The following RNGTT variants were observed in gnomAD, a reference collection of about 807,000 sequenced individuals.
RNGTT encodes mRNA-capping enzyme.
Under a neutral mutation model 79.3 loss-of-function variants are expected in RNGTT, and 33 were observed. The observed-to-expected ratio is 0.42, with a 90% CI of 0.32 to 0.56. The LOEUF is 0.56. Among genes scored for constraint, RNGTT ranks in the 20% least tolerant of loss-of-function variants. RNGTT has a pLI of 0.17. For synonymous variants in RNGTT, 222 were observed against 235.9 expected, an observed-to-expected ratio of 0.94 and a Z score of 0.54; for missense variants, 497 against 739.1, an observed-to-expected ratio of 0.67 and a Z score of 3.80.
chr6:88,711,032 A>C (rs558153300), intron 13 of RNGTT, among the ~76,000 whole-genome samples: 2 of 152,160 alleles, frequency 1.3e-5, no homozygotes, highest in Non-Finnish European at 2.9e-5. Flanking sequence ...TGAACAGAAA[A>C]TCTAGTCTTG....
chr6:88,657,441 C>G lies in RNGTT; in HGVS notation c.1506+20912G>C, dbSNP rs183017772. Among the ~76,000 whole-genome samples, 290 of 152,222 alleles carry G rather than the reference C, an allele frequency of 1.9e-3. 4 individuals carry two copies. Among genetic ancestry groups the G allele is most frequent in the African/African-American group, 6.8e-3 (284 of 41,530 alleles). ...TGAGAGAGGTCCTTGGGGAAGGCAGCCAGCAGAATTGGGAAGGAGCCACAG... is the reference window on the plus strand; with the variant it reads ...TGAGAGAGGTCCTTGGGGAAGGCAGGCAGCAGAATTGGGAAGGAGCCACAG... On this transcript the variant is annotated intron_variant, in intron 14 of 15. Transcript: ENST00000369485.
At chr6:88,896,464 A>C (rs1783252234) in intron 6 of RNGTT, among the ~76,000 whole-genome samples, 1 of 152,232 alleles carries the variant, frequency 6.6e-6, no homozygotes, top group Admixed American at 6.5e-5. Flanking sequence ...CGAGACAGTT[A>C]ATGATCTCCC....
At chr6:88,903,106 T>C (rs1040403158) in intron 6 of RNGTT, among the ~76,000 whole-genome samples, 6 of 152,182 alleles carry the variant, frequency 3.9e-5, no homozygotes, top group Admixed American at 6.5e-5. Context: ...GAAAGGAACA[T>C]ACCACTAGTG....
intron 1 of RNGTT, among the ~76,000 whole-genome samples, chr6:88,951,818 G>C (rs886194633): frequency 6.6e-6 from 1 of 152,170 alleles, no homozygotes; most frequent in Non-Finnish European, 1.5e-5. Flanking sequence ...ATCTCACAGG[G>C]GCCCTCGGGG....
chr6:88,923,862 G>C (rs1158588423), intron 4 of RNGTT, among the ~76,000 whole-genome samples: 3 of 152,184 alleles, frequency 2.0e-5, no homozygotes, highest in Non-Finnish European at 4.4e-5. Flanking sequence ...AATTAAAATA[G>C]TTTTGTTCCA....
intron 14 of RNGTT, among the ~76,000 whole-genome samples, chr6:88,646,923 A>C (rs1773586233): frequency 6.6e-6 from 1 of 152,154 alleles, no homozygotes; most frequent in Non-Finnish European, 1.5e-5. Context: ...AGATATACCT[A>C]ATGTAAATGA....
In RNGTT at chr6:88,881,355, T is replaced by C. The variant is rs141146048; in HGVS notation, c.896+9140A>G. Among the ~76,000 whole-genome samples the C allele has an allele frequency of 8.9e-3, 1,363 of 152,294 alleles. 58 individuals are homozygous for C. Among genetic ancestry groups the C allele is most frequent in the Admixed American group, 0.074 (1,128 of 15,286 alleles). On this transcript the variant is annotated intron_variant, in intron 8 of 15. Coordinates refer to ENST00000369485, the MANE Select transcript of RNGTT (RefSeq NM_003800.5). ...TTTCAATACACCTTCACCAATATTA[T>C]GGCTAAATAAAATGATTTTATTTTA...
intron 1 of RNGTT, among the ~76,000 whole-genome samples, chr6:88,949,153 T>G (rs530023964): frequency 0.077 from 1,407 of 18,232 alleles, 41 homozygotes; most frequent in African/African-American, 0.23. Flanking sequence ...TAAAATAAAA[T>G]AAAATGAAAA....
At chr6:88,819,605 C>T (rs1255257182) in intron 11 of RNGTT, among the ~76,000 whole-genome samples, 1 of 152,144 alleles carries the variant, frequency 6.6e-6, no homozygotes, top group Non-Finnish European at 1.5e-5. Flanking sequence ...ATTCATCAAA[C>T]TACCAACAAG....
intron 14 of RNGTT, among the ~76,000 whole-genome samples, chr6:88,644,250 A>G (rs1773442560): frequency 6.6e-6 from 1 of 152,244 alleles, no homozygotes; most frequent in Non-Finnish European, 1.5e-5. Context: ...TAGAAAATCT[A>G]GAAGAAATGG....
chr6:88,916,874 C>G (rs772960852), intron 4 of RNGTT, among the ~76,000 whole-genome samples: 10 of 152,200 alleles, frequency 6.6e-5, no homozygotes. Flanking sequence ...AGTTTATCTA[C>G]TGTTCTTTGT....
intron 6 of RNGTT, among the ~76,000 whole-genome samples, chr6:88,904,009 C>A (rs145796823): frequency 1.3e-5 from 2 of 152,154 alleles, no homozygotes; most frequent in African/African-American, 4.8e-5. Context: ...TTTATGGAAA[C>A]CATGAAAGCA....
At chr6:88,681,625 A>C (rs2756409) in intron 13 of RNGTT, among the ~76,000 whole-genome samples, 40,308 of 152,078 alleles carry the variant, frequency 0.27, 9,326 homozygotes, top group African/African-American at 0.63. Context: ...GTAATATGTA[A>C]CACTTCATCA....
chr6:88,799,042 G>T (rs1779693957), intron 12 of RNGTT, among the ~76,000 whole-genome samples: 3 of 151,622 alleles, frequency 2.0e-5, no homozygotes, highest in Non-Finnish European at 4.4e-5. Flanking sequence ...CAGTGTACTA[G>T]AAGTAGCAAT....
chr6:88,653,358 A>G (rs566038611), intron 14 of RNGTT, among the ~76,000 whole-genome samples: 1 of 152,218 alleles, frequency 6.6e-6, no homozygotes, highest in Non-Finnish European at 1.5e-5. Context: ...AAACACTAGA[A>G]TATGCCAAAA....
At chr6:88,782,614 C>G (rs1783736020) in intron 12 of RNGTT, among the ~76,000 whole-genome samples, 1 of 152,014 alleles carries the variant, frequency 6.6e-6, no homozygotes, top group African/African-American at 2.4e-5. Flanking sequence ...TGAAAGGTCA[C>G]CTATGAAATG....
chr6:88,710,908 A>G (rs2127807088), intron 13 of RNGTT, among the ~76,000 whole-genome samples: 1 of 152,318 alleles, frequency 6.6e-6, no homozygotes, highest in African/African-American at 2.4e-5. Flanking sequence ...AAAAGGCCAG[A>G]CATTACTAAT....
chr6:88,688,048 C>A (rs1775344300), intron 13 of RNGTT, among the ~76,000 whole-genome samples: 1 of 152,024 alleles, frequency 6.6e-6, no homozygotes, highest in Admixed American at 6.6e-5. Flanking sequence ...CGAAAAGGAG[C>A]TAATTTAAGT....
At chr6:88,721,918 T>C (rs774505230) in intron 13 of RNGTT, among the ~76,000 whole-genome samples, 17 of 152,184 alleles carry the variant, frequency 1.1e-4, no homozygotes, top group Non-Finnish European at 2.1e-4. Flanking sequence ...ATTTCTACAA[T>C]GCTACCTTTT....
Sources: allele counts gnomAD v4.1 joint callset (sites outside exome capture counted in the v4.1 genomes callset), GRCh38; gene constraint gnomAD v4.1.1; transcripts MANE v1.5; gene names NCBI Gene and HGNC (gene_info 2026-07-23, HGNC 2026-07-21).